The following TENT5D variants were observed in gnomAD, a reference collection of about 807,000 sequenced individuals.
The protein encoded by TENT5D is cancer/testis antigen 112.
For missense variants in TENT5D, 191 were observed against 287.0 expected, an observed-to-expected ratio of 0.67 and a Z score of 2.42; for synonymous variants, 103 against 100.6, an observed-to-expected ratio of 1.02 and a Z score of -0.15.
chrX:80,363,848 G>A (rs1309872232), intron 3 of TENT5D, among the ~76,000 whole-genome samples: 3 of 112,019 alleles, frequency 2.7e-5, no homozygotes, highest in African/African-American at 6.5e-5. Context: ...TAAGATATGC[G>A]GTGTGATGTT....
intron 3 of TENT5D, among the ~76,000 whole-genome samples, chrX:80,407,120 C>T (rs1019125375): frequency 9.2e-6 from 1 of 108,583 alleles, no homozygotes; most frequent in African/African-American, 3.4e-5. Context: ...TGGAATGGAA[C>T]AACCGGTACC....
chrX:80,353,413 T>A (rs916297754), intron 3 of TENT5D, among the ~76,000 whole-genome samples: 4 of 111,859 alleles, frequency 3.6e-5, no homozygotes, highest in African/African-American at 6.5e-5. Flanking sequence ...TAGTTTTTTT[T>A]AAATTTTCGC....
intron 3 of TENT5D, among the ~76,000 whole-genome samples, chrX:80,411,176 A>G (rs1326540195): frequency 1.9e-5 from 2 of 107,674 alleles, no homozygotes; most frequent in Non-Finnish European, 3.8e-5. Flanking sequence ...GCGCACCAGC[A>G]TGGCACATGT....
chrX:80,342,786 T>A (rs549534893), intron 3 of TENT5D, among the ~76,000 whole-genome samples: 2 of 111,952 alleles, frequency 1.8e-5, no homozygotes, highest in Non-Finnish European at 3.8e-5. Flanking sequence ...TAATGTATGA[T>A]TTCAATAAGC....
intron 3 of TENT5D, among the ~76,000 whole-genome samples, chrX:80,356,254 C>G (rs913837617): frequency 8.9e-6 from 1 of 111,770 alleles, no homozygotes; most frequent in African/African-American, 3.2e-5. Context: ...ACAAAAATGT[C>G]TGTTAAAATC....
intron 1 of TENT5D, among the ~76,000 whole-genome samples, chrX:80,436,439 C>T (rs779512606): frequency 7.1e-4 from 78 of 110,385 alleles, no homozygotes; most frequent in Non-Finnish European, 1.3e-3. Context: ...ATGTGCAGGA[C>T]GTGCAGGTTT....
chrX:80,352,434 G>A (rs1346930018), intron 3 of TENT5D, among the ~76,000 whole-genome samples: 4 of 111,135 alleles, frequency 3.6e-5, no homozygotes, highest in Non-Finnish European at 7.5e-5. Context: ...TGCCCAGTGC[G>A]AACTTGCAGG....
intron 3 of TENT5D, among the ~76,000 whole-genome samples, chrX:80,354,770 G>A (rs896319009): frequency 2.7e-5 from 3 of 110,428 alleles, no homozygotes; most frequent in African/African-American, 9.8e-5. Flanking sequence ...AGAGTGGACA[G>A]AGTTCTTGCG....
At chrX:80,398,812 C>T (rs1169020849) in intron 3 of TENT5D, among the ~76,000 whole-genome samples, 1 of 110,204 alleles carries the variant, frequency 9.1e-6, no homozygotes, top group East Asian at 2.9e-4. Flanking sequence ...GTTTGGGTTA[C>T]TACAGCTTTG....
At chrX:80,402,450 TTTG>T (rs1373896114) in intron 3 of TENT5D, among the ~76,000 whole-genome samples, 3 of 111,987 alleles carry the variant, frequency 2.7e-5, no homozygotes, top group African/African-American at 6.5e-5. Context: ...TTGGACTTAG[TTTG>T]TTATTTTTTC....
chrX:80,439,688 A>G (rs1480108326), intron 2 of TENT5D, among the ~76,000 whole-genome samples: 2 of 110,886 alleles, frequency 1.8e-5, no homozygotes, highest in East Asian at 5.6e-4. Context: ...TTTTGGAGGC[A>G]TGTATAGATT....
chrX:80,401,131 C>T (rs1003754179), intron 3 of TENT5D, among the ~76,000 whole-genome samples: 9 of 111,359 alleles, frequency 8.1e-5, no homozygotes, highest in African/African-American at 2.9e-4. Context: ...AAGTCTTTCA[C>T]CTGTTTGGTT....
At chrX:80,402,425 T>C (rs1356930937) in intron 3 of TENT5D, among the ~76,000 whole-genome samples, 4 of 112,047 alleles carry the variant, frequency 3.6e-5, no homozygotes, top group Non-Finnish European at 7.5e-5. Flanking sequence ...TTTATTATTT[T>C]TCCTTCTGCT....
chrX:80,407,155 T>C (rs996463544), intron 3 of TENT5D, among the ~76,000 whole-genome samples: 2 of 107,405 alleles, frequency 1.9e-5, no homozygotes, highest in Non-Finnish European at 3.9e-5. Context: ...CATGCCAAAA[T>C]GTAAAGACCA....
chrX:80,340,046 T>C (rs1030788947), intron 2 of TENT5D, among the ~76,000 whole-genome samples: 2 of 110,857 alleles, frequency 1.8e-5, no homozygotes, highest in East Asian at 5.6e-4. Flanking sequence ...TAAAAGATGA[T>C]ATGGTAGGAA....
chrX:80,341,083 A>G (rs1482612164), intron 2 of TENT5D, among the ~76,000 whole-genome samples: 2 of 112,041 alleles, frequency 1.8e-5, no homozygotes, highest in Non-Finnish European at 3.8e-5. Flanking sequence ...AAGTCATTGT[A>G]AAAATTTTCA....
At chrX:80,440,641 AT>A (rs1254854122) in intron 2 of TENT5D, among the ~76,000 whole-genome samples, 1 of 110,785 alleles carries the variant, frequency 9.0e-6, no homozygotes, top group East Asian at 2.8e-4. Context: ...AGACCATTGA[AT>A]TTTTTAAAAT....
intron 1 of TENT5D, among the ~76,000 whole-genome samples, chrX:80,435,110 C>G (rs1477868691): frequency 9.0e-6 from 1 of 111,393 alleles, no homozygotes; most frequent in Non-Finnish European, 1.9e-5. Flanking sequence ...ATGCTATAGA[C>G]TCATAACATC....
In TENT5D at chrX:80,394,552, C is replaced by T. The variant is rs978540421; in HGVS notation, c.-141-44058C>T. ...GATTACAGACATGCGCCACCACGCC[C>T]AGCTAATTTTGTAATTTTTTTAGTA... On this transcript the variant is annotated intron_variant, in intron 3 of 4. Coordinates refer to the TENT5D transcript ENST00000538312. Among the ~76,000 whole-genome samples, 3 of 108,220 alleles carry T rather than the reference C, an allele frequency of 2.8e-5. No individual in the cohort carries two copies. In the Admixed American group the frequency reaches 3.0e-4, roughly 11 times the overall value. 94.0% of individuals were successfully genotyped at this position (108,220 alleles called of 115,157 possible). A position where few individuals can be genotyped will look rare whatever the true frequency, so the allele number is the denominator to read the frequency against.
Sources: gnomAD v4.1 joint callset for allele counts (sites outside exome capture counted in the v4.1 genomes callset) on GRCh38, gnomAD v4.1.1 for gene constraint, MANE v1.5 for transcripts, NCBI Gene and HGNC (gene_info 2026-07-23, HGNC 2026-07-21) for gene names.